Variants in ASAP2 observed in about 807,000 individuals in gnomAD.
The protein encoded by ASAP2 is ArfGAP with SH3 domain, ankyrin repeat and PH domain 2, also known as arf-GAP with SH3 domain, ANK repeat and PH domain-containing protein 2.
In ASAP2, 45 loss-of-function variants were observed where a neutral mutation model predicts 131.4. The observed-to-expected ratio is 0.34, with a 90% CI of 0.27 to 0.44. ASAP2 has a LOEUF of 0.44. ASAP2 is among the 20% of genes least tolerant of loss of function. The pLI, the probability that ASAP2 is intolerant of heterozygous loss-of-function variation, is 1.00. For synonymous variants in ASAP2, 510 were observed against 503.0 expected (o/e 1.01, Z -0.19); for missense variants, 1,011 against 1,297.0 (o/e 0.78, Z 3.39).
rs1475657008 is a variant in ASAP2 at position 9,381,363 on chromosome 2, G to GT, written c.2016+556dup. Among the ~76,000 whole-genome samples the GT allele has an allele frequency of 3.3e-5, 5 of 152,366 alleles. No homozygotes were observed. The East Asian group carries it at 9.6e-4, about 29-fold the overall frequency. On this transcript the variant is annotated intron_variant, in intron 20 of 27. Coordinates refer to ENST00000281419, the MANE Select transcript of ASAP2 (RefSeq NM_003887.3). ...GCTGTTTCCTTATTTCTACAGTGCA[G>GT]TCAGTTATACCAGTATATAAGGTTG...
intron 1 of ASAP2, among the ~76,000 whole-genome samples, chr2:9,236,126 G>T (rs1663535950): frequency 6.6e-6 from 1 of 152,020 alleles, no homozygotes; most frequent in Non-Finnish European, 1.5e-5. Context: ...TGGTGGACTT[G>T]GAGGGCCGGT....
intron 20 of ASAP2, 87 bp from the exon 21 acceptor site, chr2:9,385,158 C>T (rs1675169642): frequency 2.0e-6 from 2 of 997,716 alleles, no homozygotes; most frequent in East Asian, 2.5e-5. Flanking sequence ...GACTAGAAGG[C>T]AGGCCTCCTG....
At chr2:9,231,568 C>T (rs1020179122) in intron 1 of ASAP2, among the ~76,000 whole-genome samples, 6 of 152,162 alleles carry the variant, frequency 3.9e-5, no homozygotes, top group African/African-American at 7.2e-5. Flanking sequence ...TTGAGATGCC[C>T]GGGTGCCGCC....
intron 7 of ASAP2, among the ~76,000 whole-genome samples, chr2:9,334,071 A>ACAGTCT (rs1671026996): frequency 2.7e-5 from 3 of 110,766 alleles, no homozygotes; most frequent in Non-Finnish European, 5.1e-5. Context: ...TTTTTGGGAG[A>ACAGTCT]CAGTCTCACT....
rs375691674 is a variant in ASAP2 at position 9,344,858 on chromosome 2, G to C, written c.1023+58G>C. 97 of 1,493,336 alleles carry C rather than the reference G, an allele frequency of 6.5e-5. No individual in the cohort carries two copies. The African/African-American group carries it at 1.2e-3, about 19-fold the overall frequency. 92.5% of individuals were successfully genotyped at this position (1,493,336 alleles called of 1,614,324 possible). A position where few individuals can be genotyped will look rare whatever the true frequency, so the allele number is the denominator to read the frequency against. ...TGTATTAGGTGAGGTTGGTGTTGGA[G>C]GACTTTCTGAAGTTAGAGGGCAGGA... On this transcript the variant is annotated intron_variant, in intron 11 of 27. Coordinates refer to ENST00000281419, the MANE Select transcript of ASAP2 (RefSeq NM_003887.3).
At chr2:9,222,881 C>T (rs1662527160) in intron 1 of ASAP2, among the ~76,000 whole-genome samples, 1 of 152,156 alleles carries the variant, frequency 6.6e-6, no homozygotes, top group Non-Finnish European at 1.5e-5. Context: ...GGAACCTAAT[C>T]AGTGTCCAAA....
chr2:9,350,779 C>G, intron 11 of ASAP2, 29 bp from the exon 12 acceptor site: 1 of 1,599,478 alleles, frequency 6.3e-7, no homozygotes. Flanking sequence ...CAACCCCAAC[C>G]TTTTTTGTTG....
rs972528071 is a variant in ASAP2, at chr2:9,358,993, T to G, written c.1461+104T>G. ...TTTGGTAAGCTAGTGGTTGTTGATATGTTGCCAGATTGGTTTGGATAATTA... is the reference window on the plus strand; with the variant it reads ...TTTGGTAAGCTAGTGGTTGTTGATAGGTTGCCAGATTGGTTTGGATAATTA... On this transcript the variant is annotated intron_variant, in intron 15 of 27. Transcript: ENST00000281419. 3.0e-6 allele frequency: 4 copies of G among 1,351,256 alleles called. No individual in the cohort carries two copies. The Admixed American group carries it at 9.0e-5, about 30-fold the overall frequency. 83.7% of individuals were successfully genotyped at this position (1,351,256 alleles called of 1,614,324 possible).
chr2:9,324,927 G>C (rs1422392142), intron 6 of ASAP2, among the ~76,000 whole-genome samples: 2 of 152,028 alleles, frequency 1.3e-5, no homozygotes, highest in Non-Finnish European at 2.9e-5. Context: ...TGTTACTATT[G>C]ATATGATTGG....
intron 2 of ASAP2, among the ~76,000 whole-genome samples, chr2:9,285,934 TTG>T (rs1313469951): frequency 2.6e-5 from 4 of 152,138 alleles, no homozygotes; most frequent in East Asian, 1.9e-4. Flanking sequence ...TACAACAACT[TTG>T]TGTGTGTGTT....
chr2:9,393,506 C>A lies in ASAP2; in HGVS notation c.2543C>A (p.Pro848Gln). ...GATCCCCTGACCCCCACGCCGCCCC[C>A]ACCCGTTGCCAAGACGCCCAGCGTA... ...STNPLTPTPP[P>Q]PVAKTPSVME... Residue 848 changes from proline (P) to glutamine (Q), a missense_variant, in exon 24 of 28, where the codon CCA becomes CAA. Coordinates refer to ENST00000281419, the MANE Select transcript of ASAP2 (RefSeq NM_003887.3). The A allele has an allele frequency of 6.2e-7, 1 of 1,606,760 alleles. No homozygotes were observed. Among genetic ancestry groups the A allele is most frequent in the Non-Finnish European group, 8.5e-7 (1 of 1,177,120 alleles).
chr2:9,304,721 GGAC>G (rs1668726669), intron 3 of ASAP2, among the ~76,000 whole-genome samples: 1 of 146,780 alleles, frequency 6.8e-6, no homozygotes, highest in Non-Finnish European at 1.5e-5. Flanking sequence ...TGGAGGGGCT[GGAC>G]TAGTGGGGTA....
At chr2:9,301,550 C>T (rs1199762857) in intron 3 of ASAP2, among the ~76,000 whole-genome samples, 1 of 152,206 alleles carries the variant, frequency 6.6e-6, no homozygotes, top group Non-Finnish European at 1.5e-5. Flanking sequence ...TGAAAGGCTG[C>T]ATTTCAGGGC....
chr2:9,363,595 C>CT lies in ASAP2; in HGVS notation c.1461+4714dup, dbSNP rs1009594161. Among the ~76,000 whole-genome samples the CT allele has an allele frequency of 1.1e-4, 17 of 152,020 alleles. No homozygotes were observed. The East Asian group carries it at 1.5e-3, about 14-fold the overall frequency. ...GGTCATTTGTAGGTCTTCTCTTTCT[C>CT]TTTTTTTTGACAGGTTCTTGCTCTG... On this transcript the variant is annotated intron_variant, in intron 15 of 27. Transcript: ENST00000281419.
At chr2:9,324,652 C>T (rs1000446672) in intron 6 of ASAP2, among the ~76,000 whole-genome samples, 4 of 152,166 alleles carry the variant, frequency 2.6e-5, no homozygotes, top group Admixed American at 2.6e-4. Context: ...ATGGATTAAT[C>T]CACTCATGCA....
At chr2:9,263,311 G>C (rs999384230) in intron 1 of ASAP2, among the ~76,000 whole-genome samples, 1 of 152,206 alleles carries the variant, frequency 6.6e-6, no homozygotes, top group African/African-American at 2.4e-5. Flanking sequence ...CCCAGGCCAG[G>C]CCCCCTTGTG....
Position 9,335,085 on chromosome 2 carries a change from T to G in ASAP2, c.763-8T>G, listed in dbSNP as rs759841377. ...GATTGGTTCTGTTGTGTGTGTGTGT[T>G]TTTAAAGATCAAACAGGCCCAGGAT... On this transcript the variant is annotated splice_region_variant and splice_polypyrimidine_tract_variant and intron_variant, in intron 8 of 27. Coordinates refer to ENST00000281419, the MANE Select transcript of ASAP2 (RefSeq NM_003887.3). The G allele has an allele frequency of 1.9e-6, 3 of 1,612,956 alleles. No homozygotes were observed. The highest frequency in any genetic ancestry group is 2.7e-5 in the African/African-American group (2 of 74,560).
At chr2:9,399,168 G>A (rs999971526) in intron 24 of ASAP2, 13 of 152,268 alleles carry the variant, frequency 8.5e-5, no homozygotes, top group African/African-American at 2.9e-4. Context: ...GGTTCATTCC[G>A]AGCAGCGAAG....
At chr2:9,278,179 G>T (rs1365380758) in intron 1 of ASAP2, among the ~76,000 whole-genome samples, 2 of 152,168 alleles carry the variant, frequency 1.3e-5, no homozygotes, top group Admixed American at 1.3e-4. Context: ...CGCTATCCCA[G>T]TTCACAAATG....
Sources: allele counts gnomAD v4.1 joint callset (sites outside exome capture counted in the v4.1 genomes callset), GRCh38; gene constraint gnomAD v4.1.1; transcripts MANE v1.5; gene names NCBI Gene and HGNC (gene_info 2026-07-23, HGNC 2026-07-21).